PPM1A: variants seen among roughly 807,000 people sequenced by gnomAD.
PPM1A encodes protein phosphatase, Mg2+/Mn2+ dependent 1A.
A neutral mutation model predicts 35.0 loss-of-function variants in PPM1A; 7 were observed. The ratio of observed to expected loss-of-function variants is 0.20; its 90% confidence interval spans 0.11 to 0.38. PPM1A has a LOEUF of 0.38. Ranked by LOEUF, PPM1A falls within the 10% of genes least tolerant of loss-of-function variation. PPM1A has a pLI of 1.00. For synonymous variants in PPM1A, 153 were observed against 167.3 expected (o/e 0.91, Z 0.66); for missense variants, 239 against 467.8 (o/e 0.51, Z 4.51).
Position 60,258,601 on chromosome 14 carries a change from T to C in PPM1A, c.-21+8924T>C, listed in dbSNP as rs201466939. Among the ~76,000 whole-genome samples the C allele has an allele frequency of 1.1e-4, 17 of 152,206 alleles. No individual in the cohort carries two copies. In the East Asian group the frequency reaches 3.3e-3, roughly 29 times the overall value. On this transcript the variant is annotated intron_variant, in intron 1 of 5. Coordinates refer to ENST00000395076, the MANE Select transcript of PPM1A (RefSeq NM_021003.5). Reference sequence around the variant, plus strand: ...ATTAAGCCGTAGATTTCTTTTAGGGTCCAATATTTTCTTTTTAGAAATCCA... The same window carrying C: ...ATTAAGCCGTAGATTTCTTTTAGGGCCCAATATTTTCTTTTTAGAAATCCA...
chr14:60,296,781 T>C lies in PPM1A; in HGVS notation c.*4299T>C, dbSNP rs1248248831. On this transcript the variant is annotated 3_prime_UTR_variant, in exon 6 of 6. Transcript: ENST00000395076. The surrounding 1 kb of genome is among the most constrained non-coding windows in gnomAD (Gnocchi z 4.4). Reference sequence around the variant, plus strand: ...ATAAGTCTCAGTTAAATGTTTGTTATTACTGATAGTCAAAATGCTCAATAG... The same window carrying C: ...ATAAGTCTCAGTTAAATGTTTGTTACTACTGATAGTCAAAATGCTCAATAG... 3.0e-6 allele frequency: 1 copy of C among 335,032 alleles called. No individual in the cohort carries two copies. The highest frequency in any genetic ancestry group is 5.5e-6 in the Non-Finnish European group (1 of 181,528). The allele number at this position is 335,032 out of a possible 1,614,324, so 20.8% of individuals were successfully genotyped here.
Position 60,295,454 on chromosome 14 carries a change from C to T in PPM1A, c.*2972C>T, listed in dbSNP as rs886379831. On this transcript the variant is annotated 3_prime_UTR_variant, in exon 6 of 6. Coordinates refer to ENST00000395076, the MANE Select transcript of PPM1A (RefSeq NM_021003.5). The stretch of plus-strand genomic sequence containing the variant: ...TTCTAGAGTACTTAATGCAACTGCT[C>T]TAGCCACTTAATTTTTTATACTAAT... The T allele has an allele frequency of 1.3e-5, 2 of 151,680 alleles. No individual in the cohort carries two copies. The highest frequency in any genetic ancestry group is 1.9e-4 in the East Asian group (1 of 5,188). 9.4% of individuals were successfully genotyped at this position (151,680 alleles called of 1,614,324 possible). A position where few individuals can be genotyped will look rare whatever the true frequency, so the allele number is the denominator to read the frequency against.
upstream of PPM1A, chr14:60,249,113 T>C: frequency 1.7e-6 from 1 of 592,932 alleles, no homozygotes. The surrounding 1 kb of genome is among the most constrained non-coding windows in gnomAD (Gnocchi z 4.5). Context: ...TCTCTGTAGC[T>C]GCGCGCCGCG....
chr14:60,257,566 T>G (rs1356420196), intron 1 of PPM1A, among the ~76,000 whole-genome samples: 1 of 152,178 alleles, frequency 6.6e-6, no homozygotes, highest in African/African-American at 2.4e-5. Flanking sequence ...TAGTTATACT[T>G]TAGGTGGCTT....
Position 60,294,051 on chromosome 14 carries a change from T to C in PPM1A, c.*1569T>C, listed in dbSNP as rs1320419604. On this transcript the variant is annotated 3_prime_UTR_variant, in exon 6 of 6. Transcript: ENST00000395076. ...TGAAATGTAAGACTAAAATACAACA[T>C]TGAATACAAAATCAAAATTTTGTGT... is the stretch of plus-strand genomic sequence containing the variant. 6.6e-6 allele frequency: 1 copy of C among 151,894 alleles called. No homozygotes were observed. The highest frequency in any genetic ancestry group is 2.4e-5 in the African/African-American group (1 of 41,402). The allele number at this position is 151,894 out of a possible 1,614,324, so 9.4% of individuals were successfully genotyped here.
chr14:60,266,618 A>G (rs889816501), intron 1 of PPM1A, among the ~76,000 whole-genome samples: 1 of 152,066 alleles, frequency 6.6e-6, no homozygotes, highest in African/African-American at 2.4e-5. Flanking sequence ...CCATTATTGA[A>G]TCTCTCTGTT....
intron 1 of PPM1A, chr14:60,268,197 C>T (rs1243404923): frequency 1.5e-6 from 1 of 669,196 alleles, no homozygotes; most frequent in African/African-American, 1.9e-5. Context: ...CTCCTTTAAC[C>T]TGGAGTGGTT....
In PPM1A at chr14:60,289,051, T is replaced by C. The variant is rs1850847033; in HGVS notation, c.953-755T>C. Among the ~76,000 whole-genome samples, 1 of 152,164 alleles carries C rather than the reference T, an allele frequency of 6.6e-6. No homozygotes were observed. The highest frequency in any genetic ancestry group is 2.1e-4 in the South Asian group (1 of 4,834). ...ATGACAACACTGCAGATCATATTGCTGTGCCCTTTTAATAACTGGATATTT... is the reference window on the plus strand; with the variant it reads ...ATGACAACACTGCAGATCATATTGCCGTGCCCTTTTAATAACTGGATATTT... On this transcript the variant is annotated intron_variant, in intron 3 of 5. Transcript: ENST00000395076. The surrounding 1 kb of genome is among the most constrained non-coding windows in gnomAD (Gnocchi z 4.1).
In PPM1A at chr14:60,251,928, G is replaced by A. The variant is rs138076926; in HGVS notation, c.-21+2251G>A. Among the ~76,000 whole-genome samples, 15 of 151,458 alleles carry A rather than the reference G, an allele frequency of 9.9e-5. No individual in the cohort carries two copies. The East Asian group carries it at 2.7e-3, about 27-fold the overall frequency. Reference sequence around the variant, plus strand: ...AGCACAGGACCCTTGGTAGTCTGATGTGAAGGACATTATAAAAACACATTA... The same window carrying A: ...AGCACAGGACCCTTGGTAGTCTGATATGAAGGACATTATAAAAACACATTA... On this transcript the variant is annotated intron_variant, in intron 1 of 5. Transcript: ENST00000395076.
chr14:60,292,247 A>G lies in PPM1A; in HGVS notation c.1120-206A>G, dbSNP rs888216382. Among the ~76,000 whole-genome samples, 1 of 152,264 alleles carries G rather than the reference A, an allele frequency of 6.6e-6. No individual in the cohort carries two copies. The highest frequency in any genetic ancestry group is 6.5e-5 in the Admixed American group (1 of 15,284). On this transcript the variant is annotated intron_variant, in intron 5 of 5. Transcript: ENST00000395076. This position sits in a 1 kb window ranked among gnomAD's most constrained non-coding sequence, Gnocchi z 4.2. ...AACCGCATTTCAAATATTTTCCAAAACAAAACAAAGGATTAACAATTCTTT... is the reference window on the plus strand; with the variant it reads ...AACCGCATTTCAAATATTTTCCAAAGCAAAACAAAGGATTAACAATTCTTT...
At chr14:60,253,364 C>G (rs1331979368) in intron 1 of PPM1A, among the ~76,000 whole-genome samples, 3 of 152,046 alleles carry the variant, frequency 2.0e-5, no homozygotes, top group Non-Finnish European at 4.4e-5. Flanking sequence ...TGCCATAACC[C>G]TCTAAAATAT....
At chr14:60,246,008 A>G (rs1311496840), upstream of PPM1A, 3 of 1,582,738 alleles carry the variant, frequency 1.9e-6, 1 homozygote, top group South Asian at 3.5e-5. Context: ...AGAGGAAACC[A>G]AATGAAGAGG....
intron 1 of PPM1A, among the ~76,000 whole-genome samples, chr14:60,260,235 T>C (rs1234132767): frequency 1.3e-5 from 2 of 152,104 alleles, no homozygotes; most frequent in Admixed American, 1.3e-4. Context: ...TTGGGGCACA[T>C]TGAACTCAAT....
At chr14:60,281,444 C>T (rs1370378857) in intron 1 of PPM1A, among the ~76,000 whole-genome samples, 1 of 152,092 alleles carries the variant, frequency 6.6e-6, no homozygotes, top group Admixed American at 6.6e-5. Flanking sequence ...CCCTTTTTCT[C>T]CCAGTTTCCT....
chr14:60,275,069 CTT>C (rs11424314), intron 1 of PPM1A, among the ~76,000 whole-genome samples: 9 of 138,476 alleles, frequency 6.5e-5, no homozygotes, highest in Non-Finnish European at 7.8e-5. Context: ...TCTCTTCTTC[CTT>C]TTTTTTTTTT....
chr14:60,287,983 A>C (rs1028326384), intron 3 of PPM1A: 2 of 982,322 alleles, frequency 2.0e-6, no homozygotes, highest in African/African-American at 3.5e-5. Context: ...AATATTCTTT[A>C]GAAAAAGCGT....
At chr14:60,260,114 T>C (rs947089120) in intron 1 of PPM1A, among the ~76,000 whole-genome samples, 1 of 152,062 alleles carries the variant, frequency 6.6e-6, no homozygotes, top group African/African-American at 2.4e-5. Flanking sequence ...TTTTTAAAAA[T>C]TTTGGGGTAA....
intron 1 of PPM1A, among the ~76,000 whole-genome samples, chr14:60,278,225 C>A (rs770674283): frequency 6.6e-6 from 1 of 152,058 alleles, no homozygotes. Context: ...GGAGGAAAGC[C>A]AGGCTCCTAA....
At position 60,298,110 on chromosome 14, in the gene PPM1A, A is replaced by G. The variant is rs1888201143; in HGVS notation, c.*5628A>G. On this transcript the variant is annotated 3_prime_UTR_variant, in exon 6 of 6. Transcript: ENST00000395076. ...GGGGAAAGTGATTAAAAGGTGAAAA[A>G]AAAACATAGTATTCAGAAGTTTTGG... 6.6e-6 allele frequency: 1 copy of G among 151,730 alleles called. No individual in the cohort carries two copies. Among genetic ancestry groups the G allele is most frequent in the African/African-American group, 2.4e-5 (1 of 41,392 alleles). The allele number at this position is 151,730 out of a possible 1,614,324, so 9.4% of individuals were successfully genotyped here. A position where few individuals can be genotyped will look rare whatever the true frequency, so the allele number is the denominator to read the frequency against.
Sources: allele counts gnomAD v4.1 joint callset (sites outside exome capture counted in the v4.1 genomes callset), GRCh38; gene constraint gnomAD v4.1.1; non-coding constraint Gnocchi (gnomAD v3.1); transcripts MANE v1.5; gene names NCBI Gene and HGNC (gene_info 2026-07-23, HGNC 2026-07-21).